CLIC5: variants seen among roughly 807,000 people sequenced by gnomAD.
The protein encoded by CLIC5 is chloride intracellular channel protein 5.
CLIC5 carries 20 observed loss-of-function variants against 24.7 expected under a neutral mutation model. That is an observed-to-expected ratio of 0.81 (90% CI 0.57 to 1.18). The LOEUF (loss-of-function observed/expected upper bound fraction) is 1.18. Ranked by LOEUF, CLIC5 falls within the 50% of genes most tolerant of loss-of-function variation. The probability of loss-of-function intolerance (pLI) is 0.00; values close to 1 mark genes in which losing one functional copy is unlikely to be tolerated. For missense variants in CLIC5, 341 were observed against 326.1 expected (o/e 1.05, Z -0.35); for synonymous variants, 159 against 135.6 (o/e 1.17, Z -1.20).
At chr6:46,122,575 A>G in the CLIC5 span, among the ~76,000 whole-genome samples, 1 of 152,332 alleles carries the variant, frequency 6.6e-6, no homozygotes, top group South Asian at 2.1e-4. Context: ...AGAAATAACT[A>G]AGATCAGAGC....
At chr6:46,087,231 T>C in the CLIC5 span, among the ~76,000 whole-genome samples, 1 of 152,172 alleles carries the variant, frequency 6.6e-6, no homozygotes, top group South Asian at 2.1e-4. Flanking sequence ...AATTCATCTA[T>C]GTTGTTTTAT....
At chr6:46,086,394 T>G in the CLIC5 span, among the ~76,000 whole-genome samples, 4 of 152,146 alleles carry the variant, frequency 2.6e-5, no homozygotes, top group Non-Finnish European at 4.4e-5. Context: ...TTGGCTGCCC[T>G]TCGTGAATGT....
chr6:46,125,391 C>T, the CLIC5 span, among the ~76,000 whole-genome samples: 67,970 of 151,594 alleles, frequency 0.45, 16,497 homozygotes, highest in Middle Eastern at 0.67. Context: ...ACACTTGGAC[C>T]CAGGAAGGGG....
chr6:45,909,101 C>T (rs546404776), intron 5 of CLIC5, among the ~76,000 whole-genome samples: 1 of 151,628 alleles, frequency 6.6e-6, no homozygotes, highest in South Asian at 2.1e-4. Flanking sequence ...AGAATAGTGA[C>T]CCCTGCTCTT....
chr6:46,101,971 G>A, the CLIC5 span, among the ~76,000 whole-genome samples: 3 of 146,760 alleles, frequency 2.0e-5, no homozygotes, highest in Admixed American at 1.3e-4. Context: ...AAAAAAAAAA[G>A]AAGTGTGTGT....
upstream of CLIC5, among the ~76,000 whole-genome samples, chr6:46,081,980 T>C (rs115742370): frequency 5.2e-3 from 787 of 152,344 alleles, 11 homozygotes; most frequent in African/African-American, 0.018. Flanking sequence ...ATATACTACA[T>C]ATCTGTTTGC....
the CLIC5 span, among the ~76,000 whole-genome samples, chr6:46,091,774 T>C: frequency 6.6e-6 from 1 of 152,166 alleles, no homozygotes; most frequent in Non-Finnish European, 1.5e-5. Context: ...TGGACAGAGG[T>C]TAATTCCATA....
At chr6:45,968,323 G>T (rs1765084426) in intron 1 of CLIC5, among the ~76,000 whole-genome samples, 1 of 152,060 alleles carries the variant, frequency 6.6e-6, no homozygotes, top group Non-Finnish European at 1.5e-5. Flanking sequence ...TTCCTCCTGG[G>T]GTACTTTTAT....
Position 46,025,308 on chromosome 6 carries a change from T to C in CLIC5, c.540+54395A>G, listed in dbSNP as rs553131888. Among the ~76,000 whole-genome samples, 3 of 152,280 alleles carry C rather than the reference T, an allele frequency of 2.0e-5. No homozygotes were observed. In the South Asian group the frequency reaches 6.2e-4, roughly 32 times the overall value. On this transcript the variant is annotated intron_variant, in intron 1 of 5. Coordinates refer to the CLIC5 transcript ENST00000185206. ...CAAAAGAGTTATTTTTCCCCAAATG[T>C]GTATAAGGGAGGCACTGAGCAAAGA...
Position 45,902,464 on chromosome 6 carries a change from A to T in CLIC5, c.*624T>A, listed in dbSNP as rs1762535957. 1 of 153,562 alleles carries T rather than the reference A, an allele frequency of 6.5e-6. No homozygotes were observed. Among genetic ancestry groups the T allele is most frequent in the Non-Finnish European group, 1.5e-5 (1 of 68,670 alleles). 9.5% of individuals were successfully genotyped at this position (153,562 alleles called of 1,614,324 possible). A position where few individuals can be genotyped will look rare whatever the true frequency, so the allele number is the denominator to read the frequency against. On this transcript the variant is annotated 3_prime_UTR_variant, in exon 6 of 6. Coordinates refer to ENST00000339561, the MANE Select transcript of CLIC5 (RefSeq NM_016929.5). Reference sequence around the variant, plus strand: ...AGGTGCGCAGCAGCAGCAGCGCAGCATTCCTGGCACTGCAACAAACTGAGA... The same window carrying T: ...AGGTGCGCAGCAGCAGCAGCGCAGCTTTCCTGGCACTGCAACAAACTGAGA...
At chr6:45,935,871 T>G (rs1336606693) in intron 4 of CLIC5, among the ~76,000 whole-genome samples, 1 of 152,158 alleles carries the variant, frequency 6.6e-6, no homozygotes, top group Non-Finnish European at 1.5e-5. Context: ...GAGCTGCACA[T>G]AGCAGGCAAA....
At chr6:46,072,879 G>A (rs1479154770) in intron 1 of CLIC5, among the ~76,000 whole-genome samples, 1 of 152,104 alleles carries the variant, frequency 6.6e-6, no homozygotes, top group East Asian at 1.9e-4. Flanking sequence ...GAAATCATCT[G>A]GCACAAATAT....
intron 3 of CLIC5, 141 bp downstream of exon 3, chr6:45,949,109 TAGGCTC>T: frequency 1.8e-6 from 2 of 1,081,904 alleles, no homozygotes; most frequent in South Asian, 3.4e-5. Flanking sequence ...TTGGGGGTCC[TAGGCTC>T]TCTCTTTGAA....
chr6:46,028,031 T>C (rs1182193417), intron 1 of CLIC5, among the ~76,000 whole-genome samples: 3 of 152,152 alleles, frequency 2.0e-5, no homozygotes, highest in Non-Finnish European at 4.4e-5. Context: ...GACTCAGTCG[T>C]TTATCCCCCA....
At chr6:46,005,467 G>A (rs938088558) in intron 1 of CLIC5, among the ~76,000 whole-genome samples, 6 of 152,100 alleles carry the variant, frequency 3.9e-5, no homozygotes, top group African/African-American at 1.4e-4. Flanking sequence ...AGGGCCAAAT[G>A]CACCATGTTT....
At chr6:45,989,321 C>T (rs1304782317) in intron 1 of CLIC5, among the ~76,000 whole-genome samples, 2 of 152,170 alleles carry the variant, frequency 1.3e-5, no homozygotes, top group African/African-American at 4.8e-5. Flanking sequence ...CCTGTGGAAG[C>T]TGTAGAGCTC....
intron 1 of CLIC5, among the ~76,000 whole-genome samples, chr6:45,980,120 C>T (rs373566738): frequency 6.6e-6 from 1 of 152,112 alleles, no homozygotes; most frequent in South Asian, 2.1e-4. Context: ...CTGCATATGG[C>T]CAGCCTGTTA....
chr6:45,932,767 G>A (rs1763787450), intron 4 of CLIC5: 1 of 152,258 alleles, frequency 6.6e-6, no homozygotes, highest in Admixed American at 6.5e-5. Flanking sequence ...CCTCTTAGAA[G>A]GAGAAGACAG....
In CLIC5 at chr6:46,036,803, G is replaced by A. The variant is rs114314788; in HGVS notation, c.540+42900C>T. Reference sequence around the variant, plus strand: ...GGTTTGTAGTTTCCATACTTTATATGTTTTGTAGTATAAGAATTGTGATAG... The same window carrying A: ...GGTTTGTAGTTTCCATACTTTATATATTTTGTAGTATAAGAATTGTGATAG... On this transcript the variant is annotated intron_variant, in intron 1 of 5. Transcript: ENST00000185206. Among the ~76,000 whole-genome samples, 1,326 of 152,198 alleles carry A rather than the reference G, an allele frequency of 8.7e-3. 24 individuals carry two copies. The highest frequency in any genetic ancestry group is 0.029 in the African/African-American group (1,215 of 41,524).
Sources: allele counts gnomAD v4.1 joint callset (sites outside exome capture counted in the v4.1 genomes callset), GRCh38; gene constraint gnomAD v4.1.1; transcripts MANE v1.5; gene names NCBI Gene and HGNC (gene_info 2026-07-23, HGNC 2026-07-21).